CENPN: variants seen among roughly 807,000 people sequenced by gnomAD.
CENPN encodes the protein interphase centromere complex protein 32.
A neutral mutation model predicts 48.6 loss-of-function variants in CENPN; 36 were observed. The observed-to-expected ratio is 0.74, with a 90% CI of 0.57 to 0.98. The LOEUF (loss-of-function observed/expected upper bound fraction) is 0.98, where lower values mean the gene tolerates loss of function less well. Among genes scored for constraint, CENPN ranks in the 50% least tolerant of loss-of-function variants. The probability of loss-of-function intolerance (pLI) is 0.00; values close to 1 mark genes in which losing one functional copy is unlikely to be tolerated. For missense variants in CENPN, 439 were observed against 399.2 expected, an observed-to-expected ratio of 1.10 and a Z score of -0.85; for synonymous variants, 166 against 135.2, an observed-to-expected ratio of 1.23 and a Z score of -1.58.
intron 1 of CENPN, among the ~76,000 whole-genome samples, chr16:81,010,611 A>T (rs1969698972): frequency 6.6e-6 from 1 of 152,232 alleles, no homozygotes; most frequent in Non-Finnish European, 1.5e-5. Context: ...GTGGAGTCAC[A>T]GATCCAGCTG....
At chr16:81,032,826 C>A, downstream of CENPN, 1 of 1,028,802 alleles carries the variant, frequency 9.7e-7, no homozygotes, top group Non-Finnish European at 1.4e-6. Context: ...CAAATTTGAC[C>A]AATCTTGGAA....
In CENPN at chr16:81,030,606, G is replaced by A. The variant is rs1362069754; in HGVS notation, c.*1955G>A. On this transcript the variant is annotated 3_prime_UTR_variant, in exon 11 of 11. Coordinates refer to ENST00000305850, the MANE Select transcript of CENPN (RefSeq NM_001100624.3). Reference sequence around the variant, plus strand: ...TCTACTAAAAATAGAAAAATTAGTTGGGGGTAGTGGCAGCCGCCTGTAATC... The same window carrying A: ...TCTACTAAAAATAGAAAAATTAGTTAGGGGTAGTGGCAGCCGCCTGTAATC... 1.3e-5 allele frequency among the ~76,000 whole-genome samples: 2 copies of A among 152,176 alleles called. No individual in the cohort carries two copies. Among genetic ancestry groups the A allele is most frequent in the Admixed American group, 6.5e-5 (1 of 15,280 alleles).
Position 81,022,630 on chromosome 16 carries a change from G to A in CENPN, c.565G>A (p.Val189Met). Residue 189 changes from valine to methionine, a missense_variant, in exon 7 of 11, where the codon GTG (valine) becomes ATG (methionine). Transcript: ENST00000305850. ...AATTGCTAGCAAACACCATCAGATTGTGAAAATGGACCTGAGAAGTCGGTA... is the reference window on the plus strand; with the variant it reads ...AATTGCTAGCAAACACCATCAGATTATGAAAATGGACCTGAGAAGTCGGTA... ...LTIASKHHQI[V>M]KMDLRSRYLD... The A allele has an allele frequency of 6.2e-7, 1 of 1,614,058 alleles. No individual in the cohort carries two copies.
intron 8 of CENPN, among the ~76,000 whole-genome samples, chr16:81,026,222 TACAC>T: frequency 6.7e-6 from 1 of 150,210 alleles, no homozygotes; most frequent in Non-Finnish European, 1.5e-5. Context: ...TATATATATA[TACAC>T]ATATATGCAT....
At chr16:81,026,907 C>G (rs1970525786) in intron 9 of CENPN, among the ~76,000 whole-genome samples, 1 of 152,180 alleles carries the variant, frequency 6.6e-6, no homozygotes, top group Admixed American at 6.5e-5. Flanking sequence ...TCTCCTGCCT[C>G]AGCCTCCCGA....
chr16:81,010,574 C>T (rs1191177564), intron 1 of CENPN, among the ~76,000 whole-genome samples: 1 of 152,210 alleles, frequency 6.6e-6, no homozygotes, highest in Non-Finnish European at 1.5e-5. Context: ...CAGCAATCCA[C>T]TGCACCACTA....
In CENPN at chr16:81,030,482, C is replaced by T; in HGVS notation, c.*1831C>T. The T allele has an allele frequency of 1.2e-6, 1 of 825,866 alleles. No homozygotes were observed. The highest frequency in any genetic ancestry group is 1.5e-6 in the Non-Finnish European group (1 of 684,650). 51.2% of individuals were successfully genotyped at this position (825,866 alleles called of 1,614,324 possible). A position where few individuals can be genotyped will look rare whatever the true frequency, so the allele number is the denominator to read the frequency against. On this transcript the variant is annotated 3_prime_UTR_variant, in exon 11 of 11. Coordinates refer to ENST00000305850, the MANE Select transcript of CENPN (RefSeq NM_001100624.3). Reference sequence around the variant, plus strand: ...CTTCACTCTGGGCCGGGTGTAGTGGCTCACGCCTGTAATCCTAGCACTTTG... The same window carrying T: ...CTTCACTCTGGGCCGGGTGTAGTGGTTCACGCCTGTAATCCTAGCACTTTG...
chr16:81,026,855 G>A (rs532018673), intron 9 of CENPN, among the ~76,000 whole-genome samples: 4 of 152,218 alleles, frequency 2.6e-5, no homozygotes, highest in Middle Eastern at 3.4e-3. Context: ...TGGGCTGGGC[G>A]TGATGGCTCA....
intron 2 of CENPN, among the ~76,000 whole-genome samples, chr16:81,013,521 G>C (rs1969823545): frequency 6.6e-6 from 1 of 152,158 alleles, no homozygotes; most frequent in Admixed American, 6.5e-5. Context: ...TGGGTTAGGA[G>C]ACCAGCCTGG....
chr16:81,026,117 GTA>G (rs1234802970), intron 8 of CENPN, among the ~76,000 whole-genome samples: 9 of 135,418 alleles, frequency 6.6e-5, no homozygotes, highest in Admixed American at 1.6e-4. Context: ...ATATATATAT[GTA>G]TATATATGTG....
chr16:81,017,199 A>T (rs1969966977), intron 3 of CENPN, 127 bp from the exon 4 acceptor site: 1 of 656,250 alleles, frequency 1.5e-6, no homozygotes, highest in African/African-American at 1.9e-5. Flanking sequence ...TTTTGAATAC[A>T]AATCTGTATA....
At chr16:81,023,538 A>G (rs1970312801) in intron 7 of CENPN, 1 of 152,182 alleles carries the variant, frequency 6.6e-6, no homozygotes, top group Non-Finnish European at 1.5e-5. Flanking sequence ...AAAACAAAAA[A>G]TAAATAATAT....
intron 5 of CENPN, among the ~76,000 whole-genome samples, chr16:81,019,380 CTT>C (rs1020795508): frequency 2.9e-5 from 4 of 139,564 alleles, no homozygotes; most frequent in Non-Finnish European, 3.1e-5. Flanking sequence ...CCGTGCCTGG[CTT>C]TTTTTTTTTT....
intron 1 of CENPN, among the ~76,000 whole-genome samples, chr16:81,007,935 C>G (rs1195714164): frequency 1.3e-5 from 2 of 151,954 alleles, no homozygotes; most frequent in Admixed American, 6.6e-5. Flanking sequence ...GGTGAAACCC[C>G]GTCTCTACTA....
At chr16:81,032,880 AACACTCTAG>A, downstream of CENPN, 1 of 555,274 alleles carries the variant, frequency 1.8e-6, no homozygotes, top group Admixed American at 3.4e-5. Context: ...TGTGGGACAT[AACACTCTAG>A]ACACAGGTGC....
At chr16:81,020,079 T>G (rs764191947) in intron 5 of CENPN, 21 bp from the exon 6 acceptor site, 6 of 534,274 alleles carry the variant, frequency 1.1e-5, no homozygotes, top group Non-Finnish European at 1.2e-5. Flanking sequence ...AATTAAGCCT[T>G]TTTTTTTTTT....
chr16:81,031,996 G>A (rs1970797955), downstream of CENPN, among the ~76,000 whole-genome samples: 1 of 152,154 alleles, frequency 6.6e-6, no homozygotes, highest in South Asian at 2.1e-4. Flanking sequence ...GAATATTGAG[G>A]CACAGAAAAT....
At position 81,017,496 on chromosome 16, in the gene CENPN, C is replaced by T. The variant is rs9888895; in HGVS notation, c.277+111C>T. 191,967 of 764,360 alleles carry T rather than the reference C, an allele frequency of 0.25. 26,196 individuals are homozygous for T. The highest frequency in any genetic ancestry group is 0.45 in the East Asian group (18,183 of 40,160). The allele number at this position is 764,360 out of a possible 1,614,324, so 47.3% of individuals were successfully genotyped here. A position where few individuals can be genotyped will look rare whatever the true frequency, so the allele number is the denominator to read the frequency against. On this transcript the variant is annotated intron_variant, in intron 4 of 10. Transcript: ENST00000305850. ...CTGCACTCCAGCCTGGGTAACAGAGCAAGACTCTATATCCAAAAAAAAAAA... is the reference window on the plus strand; with the variant it reads ...CTGCACTCCAGCCTGGGTAACAGAGTAAGACTCTATATCCAAAAAAAAAAA...
intron 5 of CENPN, among the ~76,000 whole-genome samples, chr16:81,019,749 G>A (rs1248412199): frequency 1.3e-5 from 2 of 151,826 alleles, no homozygotes; most frequent in African/African-American, 4.8e-5. Flanking sequence ...GATGGCACGT[G>A]CCTGTGGTCT....
Sources: gnomAD v4.1 joint callset for allele counts (sites outside exome capture counted in the v4.1 genomes callset) on GRCh38, gnomAD v4.1.1 for gene constraint, MANE v1.5 for transcripts, NCBI Gene and HGNC (gene_info 2026-07-23, HGNC 2026-07-21) for gene names.